FLVCR1: variants seen among roughly 807,000 people sequenced by gnomAD.
FLVCR1 encodes choline/ethanolamine transporter FLVCR1.
A neutral mutation model predicts 53.6 loss-of-function variants in FLVCR1; 34 were observed. That is an observed-to-expected ratio of 0.63 (90% confidence interval 0.48 to 0.84). The LOEUF (loss-of-function observed/expected upper bound fraction) is 0.84. Ranked by LOEUF, FLVCR1 falls within the 40% of genes least tolerant of loss-of-function variation. FLVCR1 has a pLI of 0.00. For synonymous variants in FLVCR1, 300 were observed against 286.3 expected, an observed-to-expected ratio of 1.05 and a Z score of -0.48; for missense variants, 677 against 696.7, an observed-to-expected ratio of 0.97 and a Z score of 0.32.
chr1:212,875,919 G>A (rs570964063), intron 3 of FLVCR1, among the ~76,000 whole-genome samples: 1 of 151,344 alleles, frequency 6.6e-6, no homozygotes, highest in East Asian at 2.0e-4. Context: ...TGGTCTCTCA[G>A]TCTGTCACCC....
intron 3 of FLVCR1, among the ~76,000 whole-genome samples, chr1:212,882,736 C>A (rs1428050137): frequency 6.6e-6 from 1 of 151,964 alleles, no homozygotes; most frequent in Non-Finnish European, 1.5e-5. Context: ...GGATTCAAAC[C>A]TATCCTGTGC....
chr1:212,866,675 T>C (rs1287798273), intron 2 of FLVCR1, among the ~76,000 whole-genome samples: 1 of 152,194 alleles, frequency 6.6e-6, no homozygotes, highest in Non-Finnish European at 1.5e-5. Context: ...TTACCCTTTG[T>C]TATTTGAGAA....
intron 2 of FLVCR1, among the ~76,000 whole-genome samples, chr1:212,871,264 A>G (rs888203369): frequency 1.3e-5 from 2 of 152,186 alleles, no homozygotes; most frequent in South Asian, 4.1e-4. Context: ...CTTAGATTCA[A>G]TGAAGTACAG....
intron 3 of FLVCR1, among the ~76,000 whole-genome samples, chr1:212,875,025 T>C (rs531555351): frequency 9.8e-5 from 15 of 152,346 alleles, no homozygotes; most frequent in African/African-American, 3.4e-4. Flanking sequence ...AATGTGCTTC[T>C]TTTTTCTGTA....
chr1:212,882,857 C>T lies in FLVCR1; in HGVS notation c.1025-514C>T, dbSNP rs910635349. ...GAGGTTGTAGTGAGCTGAGATTGCA[C>T]CACTACTCTCCAGCCTGGGCAACAG... On this transcript the variant is annotated intron_variant, in intron 3 of 9. Transcript: ENST00000366971. Among the ~76,000 whole-genome samples the T allele has an allele frequency of 2.8e-5, 4 of 144,646 alleles. No individual in the cohort carries two copies. The South Asian group carries it at 6.8e-4, about 24-fold the overall frequency. The allele number at this position is 144,646 out of a possible 152,430, so 94.9% of individuals were successfully genotyped here. A position where few individuals can be genotyped will look rare whatever the true frequency, so the allele number is the denominator to read the frequency against.
rs759642191 is a variant in FLVCR1 at position 212,872,751 on chromosome 1, C to G, written c.957C>G (p.Tyr319Ter). ...AALQDSPPEE[Y>*]SYKKSIRNLF... ...TTCAAGACAGTCCCCCTGAAGAGTACTCCTATAAGAAATCAATAAGAAACC... is the reference window on the plus strand; with the variant it reads ...TTCAAGACAGTCCCCCTGAAGAGTAGTCCTATAAGAAATCAATAAGAAACC... The change falls in exon 3 of 10, where the codon TAC becomes TAG. Residue 319 changes from tyrosine to a stop codon, truncating the protein, a stop_gained. Coordinates refer to ENST00000366971, the MANE Select transcript of FLVCR1 (RefSeq NM_014053.4). LOFTEE classifies it high-confidence loss of function. The G allele has an allele frequency of 1.9e-6, 3 of 1,613,612 alleles. No homozygotes were observed. The highest frequency in any genetic ancestry group is 2.5e-6 in the Non-Finnish European group (3 of 1,179,544).
intron 2 of FLVCR1, among the ~76,000 whole-genome samples, chr1:212,865,485 A>ATTTTTTTTTTTTTTT (rs58544929): frequency 1.9e-4 from 25 of 133,698 alleles, no homozygotes; most frequent in African/African-American, 4.5e-4. Context: ...TGCAATAGGG[A>ATTTTTTTTTTTTTTT]TTTTTTTTTT....
Position 212,895,114 on chromosome 1 carries a change from T to A in FLVCR1, c.1593+61T>A, listed in dbSNP as rs41258314. On this transcript the variant is annotated intron_variant, in intron 9 of 9. Coordinates refer to ENST00000366971, the MANE Select transcript of FLVCR1 (RefSeq NM_014053.4). ...TATGTATAGAATAAATGTGAAACCA[T>A]ATTTTTTTATTTAGCTATTTTTCTC... 12,921 of 1,367,290 alleles carry A rather than the reference T, an allele frequency of 9.5e-3. 91 individuals are homozygous for A. Among genetic ancestry groups the A allele is most frequent in the Middle Eastern group, 0.015 (83 of 5,516 alleles). The allele number at this position is 1,367,290 out of a possible 1,614,324, so 84.7% of individuals were successfully genotyped here.
intron 2 of FLVCR1, among the ~76,000 whole-genome samples, chr1:212,864,154 C>T (rs541587519): frequency 6.6e-6 from 1 of 152,176 alleles, no homozygotes; most frequent in Admixed American, 6.5e-5. Flanking sequence ...CCTCCTCTTC[C>T]CATATTCGCC....
chr1:212,871,005 C>A (rs2047292), intron 2 of FLVCR1, among the ~76,000 whole-genome samples: 104,052 of 151,676 alleles, frequency 0.69, 37,277 homozygotes, highest in East Asian at 1. Context: ...CCTGACCTCA[C>A]ATGATCCACC....
At chr1:212,883,812 C>A (rs1454006130) in intron 4 of FLVCR1, among the ~76,000 whole-genome samples, 1 of 149,298 alleles carries the variant, frequency 6.7e-6, no homozygotes, top group African/African-American at 2.4e-5. Flanking sequence ...GGGACTGGGC[C>A]CCATCTGATA....
rs1443480583 is a variant in FLVCR1, at chr1:212,888,605, GA to G, written c.1413+12del. ...AATGCTTCTGCACAGGTAAACCTCT[GA>G]TTTCTCTAAACCTGAGATGATTATT... On this transcript the variant is annotated intron_variant, in intron 7 of 9. Coordinates refer to ENST00000366971, the MANE Select transcript of FLVCR1 (RefSeq NM_014053.4). The G allele has an allele frequency of 6.5e-7, 1 of 1,532,522 alleles. No individual in the cohort carries two copies. 94.9% of individuals were successfully genotyped at this position (1,532,522 alleles called of 1,614,324 possible).
chr1:212,868,748 T>A (rs775181600), intron 2 of FLVCR1, among the ~76,000 whole-genome samples: 1 of 152,218 alleles, frequency 6.6e-6, no homozygotes, highest in African/African-American at 2.4e-5. Flanking sequence ...TAACTTAGTC[T>A]GTAAGAATTT....
In FLVCR1 at chr1:212,873,859, C is replaced by CT. The variant is rs951914071; in HGVS notation, c.1024+1050dup. Among the ~76,000 whole-genome samples the CT allele has an allele frequency of 2.4e-4, 36 of 151,110 alleles. 1 individual carries two copies. The highest frequency in any genetic ancestry group is 1.5e-3 in the South Asian group (7 of 4,780). On this transcript the variant is annotated intron_variant, in intron 3 of 9. Transcript: ENST00000366971. ...AAACTATTTTTATCAGGATTAGTTC[C>CT]TTTTTTTTTCAGTAGAAATTGCTAA...
chr1:212,891,140 G>A (rs1665180625), intron 8 of FLVCR1, among the ~76,000 whole-genome samples: 2 of 152,144 alleles, frequency 1.3e-5, no homozygotes, highest in African/African-American at 4.8e-5. Flanking sequence ...TGGACGTGGT[G>A]GCTCATACTT....
chr1:212,875,853 A>AT (rs1664740371), intron 3 of FLVCR1, among the ~76,000 whole-genome samples: 1 of 151,036 alleles, frequency 6.6e-6, no homozygotes, highest in Non-Finnish European at 1.5e-5. Flanking sequence ...AAAAAAAAAA[A>AT]CAAAAAACTT....
intron 3 of FLVCR1, among the ~76,000 whole-genome samples, chr1:212,880,428 TAGACATC>T (rs1430542255): frequency 4.6e-5 from 7 of 152,166 alleles, no homozygotes; most frequent in African/African-American, 1.4e-4. Flanking sequence ...GAGTAAGGGA[TAGACATC>T]AGATCACTGG....
chr1:212,870,517 T>C (rs981299774), intron 2 of FLVCR1, among the ~76,000 whole-genome samples: 4 of 152,178 alleles, frequency 2.6e-5, no homozygotes, highest in African/African-American at 9.7e-5. Flanking sequence ...TCAAAATCTG[T>C]ATTATTTTTA....
chr1:212,885,268 A>G (rs1665027967), intron 4 of FLVCR1, 25 bp from the exon 5 acceptor site: 1 of 1,521,896 alleles, frequency 6.6e-7, no homozygotes, highest in South Asian at 1.1e-5. Context: ...TTATTTGATC[A>G]ACTTCTTACG....
Sources: allele counts gnomAD v4.1 joint callset (sites outside exome capture counted in the v4.1 genomes callset), GRCh38; gene constraint gnomAD v4.1.1; transcripts MANE v1.5; gene names NCBI Gene and HGNC (gene_info 2026-07-23, HGNC 2026-07-21).